MYOM3: variants seen among roughly 807,000 people sequenced by gnomAD.
MYOM3 encodes myomesin-3.
Under a neutral mutation model 191.7 loss-of-function variants are expected in MYOM3, and 155 were observed. That is an observed-to-expected ratio of 0.81 (90% CI 0.71 to 0.92). The LOEUF (loss-of-function observed/expected upper bound fraction) is 0.92. Among genes scored for constraint, MYOM3 ranks in the 40% least tolerant of loss-of-function variants. The probability of loss-of-function intolerance (pLI) is 0.00; values close to 1 mark genes in which losing one functional copy is unlikely to be tolerated. For missense variants in MYOM3, 1,889 were observed against 1,890.6 expected, an observed-to-expected ratio of 1.00 and a Z score of 0.02; for synonymous variants, 757 against 762.9, an observed-to-expected ratio of 0.99 and a Z score of 0.13.
intron 7 of MYOM3, among the ~76,000 whole-genome samples, chr1:24,097,374 T>C (rs569594789): frequency 1.2e-4 from 19 of 152,312 alleles, no homozygotes; most frequent in South Asian, 6.2e-4. Flanking sequence ...AGTTATCCCC[T>C]GAGAGAGCAA....
rs925886929 is a variant in MYOM3 at position 24,111,414 on chromosome 1, G to T, written c.-19+617C>A. Among the ~76,000 whole-genome samples the T allele has an allele frequency of 6.6e-6, 1 of 152,238 alleles. No homozygotes were observed. The highest frequency in any genetic ancestry group is 1.5e-5 in the Non-Finnish European group (1 of 68,046). On this transcript the variant is annotated intron_variant, in intron 1 of 36. Transcript: ENST00000374434. The surrounding 1 kb of genome is among the most constrained non-coding windows in gnomAD (Gnocchi z 4.7). ...GTGGCTGGGAGCAGAGACACATCCT[G>T]CGGGCGGCGGGTGGCACAGGCTGGG...
In MYOM3 at chr1:24,108,039, C is replaced by A. The variant is rs199782500; in HGVS notation, c.196G>T (p.Ala66Ser). ...EEHEFSAADYALAAALALTAS... is the reference protein window; with the variant it reads ...EEHEFSAADYSLAAALALTAS... Reference sequence around the variant, plus strand: ...GTCAGAGCCAGGGCTGCTGCCAGGGCGTAGTCCGCGGCGCTGAACTCATGC... The same window carrying A: ...GTCAGAGCCAGGGCTGCTGCCAGGGAGTAGTCCGCGGCGCTGAACTCATGC... The change falls in exon 3 of 37, where the codon GCC (alanine) becomes TCC (serine). Residue 66 changes from alanine (A) to serine (S), a missense_variant. Ala to Ser is a moderately conservative substitution (Grantham distance 99). Transcript: ENST00000374434. 6.2e-7 allele frequency: 1 copy of A among 1,613,846 alleles called. No individual in the cohort carries two copies. The highest frequency in any genetic ancestry group is 8.5e-7 in the Non-Finnish European group (1 of 1,179,910).
At chr1:24,109,925 C>T (rs1321291218) in intron 1 of MYOM3, among the ~76,000 whole-genome samples, 1 of 152,238 alleles carries the variant, frequency 6.6e-6, no homozygotes, top group African/African-American at 2.4e-5. Flanking sequence ...TTTGCATTCC[C>T]AAGGCTCAAG....
chr1:24,064,702 G>A (rs1643413473), intron 29 of MYOM3, among the ~76,000 whole-genome samples: 1 of 152,228 alleles, frequency 6.6e-6, no homozygotes, highest in South Asian at 2.1e-4. Context: ...GCAAGGTCCA[G>A]AGATCAGAAG....
At chr1:24,103,196 T>A (rs146995593) in intron 5 of MYOM3, among the ~76,000 whole-genome samples, 1 of 152,388 alleles carries the variant, frequency 6.6e-6, no homozygotes, top group African/African-American at 2.4e-5. Flanking sequence ...AGAGCTTGGC[T>A]GCGGGGAGGA....
rs1643301434 is a variant in MYOM3 at position 24,056,411 on chromosome 1, C to A, written c.*953G>T. On this transcript the variant is annotated 3_prime_UTR_variant, in exon 37 of 37. Coordinates refer to ENST00000374434, the MANE Select transcript of MYOM3 (RefSeq NM_152372.4). ...AATTTTTCAGGGCCCAACACCAATT[C>A]TGCTAATTTTTTTTTGGCTCAATCT... 6.6e-6 allele frequency: 1 copy of A among 152,216 alleles called. No individual in the cohort carries two copies. Among genetic ancestry groups the A allele is most frequent in the African/African-American group, 2.4e-5 (1 of 41,448 alleles). The allele number at this position is 152,216 out of a possible 1,614,324, so 9.4% of individuals were successfully genotyped here.
At chr1:24,093,888 G>A (rs1343476937) in intron 9 of MYOM3, among the ~76,000 whole-genome samples, 1 of 152,142 alleles carries the variant, frequency 6.6e-6, no homozygotes, top group Non-Finnish European at 1.5e-5. Flanking sequence ...TGGGTCCTTA[G>A]GCTATAGGCC....
At position 24,061,146 on chromosome 1, in the gene MYOM3, T is replaced by G. The variant is rs1643365074; in HGVS notation, c.3972-64A>C. 1.9e-6 allele frequency: 3 copies of G among 1,610,542 alleles called. No individual in the cohort carries two copies. In the Admixed American group the frequency reaches 5.0e-5, roughly 27 times the overall value. ...TTGCTAAAGGACAGTCCAGCCCAGGTGGAGGTGAGGGGTGATGAAGGAAAG... is the reference window on the plus strand; with the variant it reads ...TTGCTAAAGGACAGTCCAGCCCAGGGGGAGGTGAGGGGTGATGAAGGAAAG... On this transcript the variant is annotated intron_variant, in intron 34 of 36. Coordinates refer to ENST00000374434, the MANE Select transcript of MYOM3 (RefSeq NM_152372.4).
chr1:24,109,118 C>G (rs1427934672), intron 1 of MYOM3, among the ~76,000 whole-genome samples: 1 of 152,242 alleles, frequency 6.6e-6, no homozygotes, highest in Non-Finnish European at 1.5e-5. Flanking sequence ...TACCTCTGGG[C>G]CTTTGCCCAC....
intron 25 of MYOM3, among the ~76,000 whole-genome samples, chr1:24,070,133 G>T (rs555928188): frequency 6.6e-6 from 1 of 152,044 alleles, no homozygotes; most frequent in African/African-American, 2.4e-5. Context: ...GAAATAAGTC[G>T]TTTAAAATAA....
chr1:24,074,921 C>T (rs2148547681), intron 22 of MYOM3, among the ~76,000 whole-genome samples: 1 of 152,078 alleles, frequency 6.6e-6, no homozygotes, highest in African/African-American at 2.4e-5. Flanking sequence ...CCCATCTCTA[C>T]AAAAAATACA....
rs370587090 is a variant in MYOM3 at position 24,108,763 on chromosome 1, C to T, written c.-18-109G>A. On this transcript the variant is annotated intron_variant, in intron 1 of 36. Transcript: ENST00000374434. ...TGGCAGGATGGGGGGTGGGGGTGTCCTCTCTGCAGTCGGCAGACAGGGAAA... is the reference window on the plus strand; with the variant it reads ...TGGCAGGATGGGGGGTGGGGGTGTCTTCTCTGCAGTCGGCAGACAGGGAAA... 4 of 753,484 alleles carry T rather than the reference C, an allele frequency of 5.3e-6. No homozygotes were observed. In the African/African-American group the frequency reaches 5.6e-5, roughly 11 times the overall value. 46.7% of individuals were successfully genotyped at this position (753,484 alleles called of 1,614,324 possible). A position where few individuals can be genotyped will look rare whatever the true frequency, so the allele number is the denominator to read the frequency against.
At chr1:24,091,401 A>G (rs780186636) in intron 11 of MYOM3, among the ~76,000 whole-genome samples, 14 of 152,212 alleles carry the variant, frequency 9.2e-5, no homozygotes, top group Admixed American at 2.0e-4. Context: ...CCCCTCCCTA[A>G]GTTGGCATGC....
rs150712319 is a variant in MYOM3, at chr1:24,072,066, G to A, written c.2969-53C>T. On this transcript the variant is annotated intron_variant, in intron 23 of 36. Coordinates refer to ENST00000374434, the MANE Select transcript of MYOM3 (RefSeq NM_152372.4). Reference sequence around the variant, plus strand: ...CCAGAGAGAATGAAATATCCTGGTCGGGGGTGGGGGGCCCACAGGAGCCGT... The same window carrying A: ...CCAGAGAGAATGAAATATCCTGGTCAGGGGTGGGGGGCCCACAGGAGCCGT... The A allele has an allele frequency of 2.5e-4, 395 of 1,576,192 alleles. No homozygotes were observed. In the African/African-American group the frequency reaches 2.9e-3, roughly 11 times the overall value.
Position 24,107,185 on chromosome 1 carries a change from C to T in MYOM3, c.290G>A (p.Arg97Gln), listed in dbSNP as rs771055283. The part of the protein sequence containing the change: ...RQTSAVELEE[R>Q]GQKRVGFGND... ...GCCGAAGCCCACCCGCTTCTGCCCT[C>T]GCTCCTCCAGCTCCACGGCAGAGGT... Residue 97 changes from arginine (R) to glutamine (Q), a missense_variant, in exon 4 of 37, where the codon CGA (arginine) becomes CAA (glutamine). By Grantham distance (43) the Arg-to-Gln change is conservative. Coordinates refer to ENST00000374434, the MANE Select transcript of MYOM3 (RefSeq NM_152372.4). 24 of 1,609,300 alleles carry T rather than the reference C, an allele frequency of 1.5e-5. No homozygotes were observed. Among genetic ancestry groups the T allele is most frequent in the Non-Finnish European group, 2.0e-5 (23 of 1,178,060 alleles).
chr1:24,067,373 C>CT (rs1643458743), intron 27 of MYOM3, among the ~76,000 whole-genome samples: 3 of 42,808 alleles, frequency 7.0e-5, no homozygotes, highest in Non-Finnish European at 9.1e-5. Flanking sequence ...TCTTTCTTTC[C>CT]TTCTTTCTTT....
rs150775479 is a variant in MYOM3, at chr1:24,111,251, C to T, written c.-19+780G>A. ...AAAATCTGGGCCAGAGGTCCCACTG[C>T]GTGGCCTTCCCTATTCCCCTCTGCT... On this transcript the variant is annotated intron_variant, in intron 1 of 36. Transcript: ENST00000374434. The surrounding 1 kb of genome is among the most constrained non-coding windows in gnomAD (Gnocchi z 4.7). Among the ~76,000 whole-genome samples the T allele has an allele frequency of 2.0e-5, 3 of 152,348 alleles. No individual in the cohort carries two copies. Among genetic ancestry groups the T allele is most frequent in the East Asian group, 1.9e-4 (1 of 5,188 alleles).
Position 24,063,299 on chromosome 1 carries a change from G to A in MYOM3, c.3662-65C>T, listed in dbSNP as rs911809785. 91 of 1,467,316 alleles carry A rather than the reference G, an allele frequency of 6.2e-5. 1 individual carries two copies. The highest frequency in any genetic ancestry group is 1.7e-4 in the South Asian group (15 of 87,942). The allele number at this position is 1,467,316 out of a possible 1,614,324, so 90.9% of individuals were successfully genotyped here. A position where few individuals can be genotyped will look rare whatever the true frequency, so the allele number is the denominator to read the frequency against. ...CATTTAGGCATCAGATTTTGGGGCCGGCTTGTCTGCCTCTGCCCTGGGGGG... is the reference window on the plus strand; with the variant it reads ...CATTTAGGCATCAGATTTTGGGGCCAGCTTGTCTGCCTCTGCCCTGGGGGG... On this transcript the variant is annotated intron_variant, in intron 31 of 36. Coordinates refer to ENST00000374434, the MANE Select transcript of MYOM3 (RefSeq NM_152372.4). This position sits in a 1 kb window ranked among gnomAD's most constrained non-coding sequence, Gnocchi z 4.5.
Position 24,071,229 on chromosome 1 carries a change from T to C in MYOM3, c.3038A>G (p.Asn1013Ser). The stretch of plus-strand genomic sequence containing the variant: ...CTCCCCTCGCTCCAGGATGTCAATG[T>C]TCCAGCCGGAGATCAGTTTGATCAC... ...NPVIKLISGW[N>S]IDILERGEVR... Residue 1013 changes from asparagine to serine, a missense_variant, in exon 25 of 37, where the codon AAC becomes AGC. Transcript: ENST00000374434. 2 of 1,613,694 alleles carry C rather than the reference T, an allele frequency of 1.2e-6. No individual in the cohort carries two copies. Among genetic ancestry groups the C allele is most frequent in the South Asian group, 1.1e-5 (1 of 90,908 alleles).
Sources: gnomAD v4.1 joint callset for allele counts (sites outside exome capture counted in the v4.1 genomes callset) on GRCh38, gnomAD v4.1.1 for gene constraint, Gnocchi (gnomAD v3.1) non-coding constraint, MANE v1.5 for transcripts, NCBI Gene and HGNC (gene_info 2026-07-23, HGNC 2026-07-21) for gene names.